The following PRKN variants were observed in gnomAD, a reference collection of about 807,000 sequenced individuals.
The protein encoded by PRKN is parkin RBR E3 ubiquitin protein ligase.
A neutral mutation model predicts 59.5 loss-of-function variants in PRKN; 56 were observed. The ratio of observed to expected loss-of-function variants is 0.94; its 90% CI spans 0.76 to 1.18. The LOEUF is 1.18. Among genes scored for constraint, PRKN ranks in the 50% most tolerant of loss-of-function variants. The pLI, the probability that PRKN is intolerant of heterozygous loss-of-function variation, is 0.00. For missense variants in PRKN, 657 were observed against 596.4 expected, an observed-to-expected ratio of 1.10 and a Z score of -1.06; for synonymous variants, 250 against 222.1, an observed-to-expected ratio of 1.13 and a Z score of -1.12.
chr6:161,752,280 G>T (rs539637911), intron 7 of PRKN, among the ~76,000 whole-genome samples: 1 of 152,280 alleles, frequency 6.6e-6, no homozygotes. Context: ...TGAGGCAGGA[G>T]AATTGCTTGA....
intron 1 of PRKN, among the ~76,000 whole-genome samples, chr6:162,688,123 T>A (rs1331977030): frequency 6.6e-6 from 1 of 152,198 alleles, no homozygotes; most frequent in African/African-American, 2.4e-5. Flanking sequence ...ATAAGGTAAA[T>A]GTCTCAATTA....
At chr6:161,667,469 T>C (rs1473484068) in intron 7 of PRKN, among the ~76,000 whole-genome samples, 1 of 152,194 alleles carries the variant, frequency 6.6e-6, no homozygotes, top group Non-Finnish European at 1.5e-5. Flanking sequence ...CCTGCGATGC[T>C]TTCTCCACCC....
intron 9 of PRKN, among the ~76,000 whole-genome samples, chr6:161,411,905 TCACTCATTCCTCCACTCACTCACTCCTC>T (rs1787566177): frequency 6.8e-6 from 1 of 147,210 alleles, no homozygotes; most frequent in Admixed American, 6.8e-5. Context: ...ATTCCTCCAC[TCACTCATTCCTCCACTCACTCACTCCTC>T]CCTCACTCAT....
chr6:161,767,725 T>TTCTAATA (rs1789490495), intron 7 of PRKN, among the ~76,000 whole-genome samples: 1 of 151,622 alleles, frequency 6.6e-6, no homozygotes, highest in Non-Finnish European at 1.5e-5. Flanking sequence ...ACCTTAAAGG[T>TTCTAATA]TACTGTTCTA....
chr6:162,245,123 T>A (rs1457567121), intron 3 of PRKN, among the ~76,000 whole-genome samples: 2 of 152,082 alleles, frequency 1.3e-5, no homozygotes, highest in Non-Finnish European at 2.9e-5. Context: ...TCAAAAAAAA[T>A]TTGAAACTTA....
At chr6:162,404,208 T>C (rs1418817142) in intron 2 of PRKN, among the ~76,000 whole-genome samples, 1 of 151,460 alleles carries the variant, frequency 6.6e-6, no homozygotes, top group Non-Finnish European at 1.5e-5. Flanking sequence ...CCATCTCTAC[T>C]AAAAATACAA....
At chr6:162,600,578 T>C (rs1222752811) in intron 1 of PRKN, among the ~76,000 whole-genome samples, 2 of 152,190 alleles carry the variant, frequency 1.3e-5, no homozygotes, top group African/African-American at 4.8e-5. Flanking sequence ...TCCGTGTGAT[T>C]TGGATCACCC....
At chr6:162,067,904 T>A (rs1190716940) in intron 4 of PRKN, among the ~76,000 whole-genome samples, 1 of 152,202 alleles carries the variant, frequency 6.6e-6, no homozygotes, top group Non-Finnish European at 1.5e-5. Flanking sequence ...GACACAGTTT[T>A]AAAAAATACA....
intron 2 of PRKN, among the ~76,000 whole-genome samples, chr6:162,313,796 G>T (rs2128118956): frequency 6.6e-6 from 1 of 152,120 alleles, no homozygotes; most frequent in East Asian, 1.9e-4. Context: ...CGCTGCATCA[G>T]ATTTTTGTTT....
chr6:162,188,716 T>G (rs1286388353), intron 4 of PRKN, among the ~76,000 whole-genome samples: 2 of 151,636 alleles, frequency 1.3e-5, no homozygotes, highest in Non-Finnish European at 2.9e-5. Flanking sequence ...CCCTAGGAAG[T>G]AAATCATTGT....
chr6:162,665,982 G>T (rs1299850462), intron 1 of PRKN, among the ~76,000 whole-genome samples: 1 of 152,142 alleles, frequency 6.6e-6, no homozygotes, highest in Admixed American at 6.5e-5. Flanking sequence ...GACATATGCG[G>T]AAAACTGAAA....
intron 2 of PRKN, among the ~76,000 whole-genome samples, chr6:162,427,926 A>G (rs1358864059): frequency 6.6e-6 from 1 of 152,202 alleles, no homozygotes; most frequent in Non-Finnish European, 1.5e-5. Context: ...TCTGTAGAGA[A>G]GGAAGAAATG....
intron 2 of PRKN, among the ~76,000 whole-genome samples, chr6:162,418,650 A>ATGCG (rs1788779310): frequency 1.5e-5 from 1 of 65,440 alleles, no homozygotes; most frequent in East Asian, 6.8e-4. Flanking sequence ...GTGTGTGTGT[A>ATGCG]TGCGTGTGTG....
At chr6:162,301,823 T>C (rs1781973863) in intron 2 of PRKN, among the ~76,000 whole-genome samples, 1 of 147,418 alleles carries the variant, frequency 6.8e-6, no homozygotes, top group Non-Finnish European at 1.5e-5. Context: ...GAAAGGCATA[T>C]TTATTCTCAA....
chr6:162,111,584 T>A (rs76822436), intron 4 of PRKN, among the ~76,000 whole-genome samples: 12,601 of 151,994 alleles, frequency 0.083, 562 homozygotes, highest in Middle Eastern at 0.14. Context: ...GCGGGGTGTG[T>A]GTAGCATGGG....
chr6:162,662,016 G>A (rs62429104), intron 1 of PRKN, among the ~76,000 whole-genome samples: 37,362 of 151,768 alleles, frequency 0.25, 5,382 homozygotes, highest in African/African-American at 0.38. Flanking sequence ...CTATGTCCAT[G>A]TGTACATGTT....
At chr6:162,155,578 T>A (rs530420091) in intron 4 of PRKN, among the ~76,000 whole-genome samples, 1 of 152,100 alleles carries the variant, frequency 6.6e-6, no homozygotes, top group South Asian at 2.1e-4. Context: ...AAGCATAATA[T>A]CATAGTTTTA....
chr6:161,558,026 G>C (rs936600650), intron 8 of PRKN, among the ~76,000 whole-genome samples: 5 of 152,136 alleles, frequency 3.3e-5, no homozygotes, highest in African/African-American at 1.2e-4. Context: ...TCGTGATCAG[G>C]CTTCTGTTCA....
chr6:162,659,448 C>A (rs1562476698), intron 1 of PRKN, among the ~76,000 whole-genome samples: 1 of 152,100 alleles, frequency 6.6e-6, no homozygotes, highest in Non-Finnish European at 1.5e-5. Flanking sequence ...AAATATTCAT[C>A]TTGTTCACGT....
Sources: allele counts gnomAD v4.1 joint callset (sites outside exome capture counted in the v4.1 genomes callset), GRCh38; gene constraint gnomAD v4.1.1; transcripts MANE v1.5; gene names NCBI Gene and HGNC (gene_info 2026-07-23, HGNC 2026-07-21).